Variants in SPAG16 observed in about 807,000 individuals in gnomAD.
The protein encoded by SPAG16 is sperm associated antigen 16.
Under a neutral mutation model 80.4 loss-of-function variants are expected in SPAG16, and 86 were observed. That is an observed-to-expected ratio of 1.07 (90% confidence interval 0.90 to 1.28). The LOEUF (loss-of-function observed/expected upper bound fraction) is 1.28. Among genes scored for constraint, SPAG16 ranks in the 50% most tolerant of loss-of-function variants. The probability of loss-of-function intolerance (pLI) is 0.00; values close to 1 mark genes in which losing one functional copy is unlikely to be tolerated. For synonymous variants in SPAG16, 294 were observed against 265.9 expected (o/e 1.11, Z -1.03); for missense variants, 870 against 765.3 (o/e 1.14, Z -1.61).
At chr2:213,687,404 CA>C (rs1385352967) in intron 10 of SPAG16, among the ~76,000 whole-genome samples, 1 of 152,126 alleles carries the variant, frequency 6.6e-6, no homozygotes, top group African/African-American at 2.4e-5. Context: ...ACATGATTAT[CA>C]TTTTACTAAA....
chr2:214,246,133 A>G (rs1689830643), intron 15 of SPAG16, among the ~76,000 whole-genome samples: 1 of 152,136 alleles, frequency 6.6e-6, no homozygotes, highest in Non-Finnish European at 1.5e-5. Flanking sequence ...AAACAAAAAA[A>G]AAATGAGAGG....
intron 11 of SPAG16, among the ~76,000 whole-genome samples, chr2:213,881,604 C>T (rs1479737503): frequency 6.6e-6 from 1 of 152,122 alleles, no homozygotes; most frequent in Non-Finnish European, 1.5e-5. Flanking sequence ...AACAAGGCAC[C>T]TTCTCCACAA....
intron 10 of SPAG16, among the ~76,000 whole-genome samples, chr2:213,558,546 C>T (rs1209745844): frequency 6.6e-6 from 1 of 151,520 alleles, no homozygotes; most frequent in Admixed American, 6.6e-5. Flanking sequence ...CTTTATGTAT[C>T]TGCTCAATTT....
chr2:213,967,742 G>A (rs1238004719), intron 12 of SPAG16, among the ~76,000 whole-genome samples: 2 of 152,058 alleles, frequency 1.3e-5, no homozygotes, highest in Non-Finnish European at 2.9e-5. Flanking sequence ...TTTAATTTTA[G>A]GTTAAATATA....
chr2:213,601,938 T>C (rs75507656), intron 10 of SPAG16, among the ~76,000 whole-genome samples: 9,312 of 152,302 alleles, frequency 0.061, 931 homozygotes, highest in African/African-American at 0.21. Flanking sequence ...GAAACTGTTC[T>C]ACCTGAAGTC....
intron 10 of SPAG16, among the ~76,000 whole-genome samples, chr2:213,839,867 G>C (rs1316536542): frequency 6.6e-6 from 1 of 152,100 alleles, no homozygotes; most frequent in Non-Finnish European, 1.5e-5. Flanking sequence ...ATGACTTCCT[G>C]CTAACAGCTG....
chr2:213,356,944 T>C (rs2065691315), intron 7 of SPAG16, among the ~76,000 whole-genome samples: 1 of 152,218 alleles, frequency 6.6e-6, no homozygotes, highest in Non-Finnish European at 1.5e-5. Context: ...TTCTGGTATG[T>C]TGTGTCTTTG....
In SPAG16 at chr2:213,671,450, C is replaced by CA. The variant is rs147745707; in HGVS notation, c.1070+181361dup. On this transcript the variant is annotated intron_variant, in intron 10 of 15. Coordinates refer to ENST00000331683, the MANE Select transcript of SPAG16 (RefSeq NM_024532.5). Reference sequence around the variant, plus strand: ...TTTTGGGGAAGATGTCCATGAGTGGCATACATAGCAGAACTGTGAGCAAGA... The same window carrying CA: ...TTTTGGGGAAGATGTCCATGAGTGGCAATACATAGCAGAACTGTGAGCAAGA... Among the ~76,000 whole-genome samples, 1,186 of 152,184 alleles carry CA rather than the reference C, an allele frequency of 7.8e-3. 16 individuals are homozygous for CA. The highest frequency in any genetic ancestry group is 0.027 in the African/African-American group (1,138 of 41,520).
chr2:213,953,104 G>A (rs1353138119), intron 12 of SPAG16, among the ~76,000 whole-genome samples: 1 of 151,958 alleles, frequency 6.6e-6, no homozygotes, highest in Non-Finnish European at 1.5e-5. Flanking sequence ...TAGTTCAAAA[G>A]AAGGACACTA....
intron 11 of SPAG16, among the ~76,000 whole-genome samples, chr2:213,868,318 G>C (rs1369274379): frequency 6.8e-6 from 1 of 147,868 alleles, no homozygotes; most frequent in African/African-American, 2.5e-5. Flanking sequence ...AACATCAACA[G>C]AATTCCATTT....
chr2:214,080,182 T>C (rs968001178), intron 13 of SPAG16, among the ~76,000 whole-genome samples: 5 of 152,274 alleles, frequency 3.3e-5, no homozygotes, highest in Admixed American at 3.3e-4. Context: ...TGAGAATTCA[T>C]TGGCAGCAGA....
chr2:214,144,146 C>T (rs2055511442), intron 14 of SPAG16, among the ~76,000 whole-genome samples: 1 of 151,660 alleles, frequency 6.6e-6, no homozygotes, highest in Non-Finnish European at 1.5e-5. Flanking sequence ...GATCCTATCT[C>T]AAAAATAAGA....
At chr2:214,214,406 G>A (rs1294926797) in intron 15 of SPAG16, among the ~76,000 whole-genome samples, 2 of 152,016 alleles carry the variant, frequency 1.3e-5, no homozygotes, top group Non-Finnish European at 2.9e-5. Flanking sequence ...CTGACTTCAG[G>A]TGATCTGCCT....
intron 12 of SPAG16, among the ~76,000 whole-genome samples, chr2:213,993,352 G>T (rs190620147): frequency 7.2e-5 from 11 of 152,298 alleles, no homozygotes; most frequent in Admixed American, 3.9e-4. Context: ...GTACAGGATT[G>T]AATGTAATGG....
chr2:214,116,019 G>A (rs185087739), intron 14 of SPAG16, among the ~76,000 whole-genome samples: 2 of 152,146 alleles, frequency 1.3e-5, no homozygotes, highest in African/African-American at 4.8e-5. Flanking sequence ...AGACTTAGGA[G>A]GATTATTTTG....
intron 10 of SPAG16, among the ~76,000 whole-genome samples, chr2:213,498,614 T>C (rs2074597564): frequency 6.6e-6 from 1 of 152,132 alleles, no homozygotes; most frequent in South Asian, 2.1e-4. Flanking sequence ...GAGTACCTCA[T>C]GAAATAGGAC....
chr2:213,573,477 C>T (rs971758235), intron 10 of SPAG16, among the ~76,000 whole-genome samples: 3 of 152,160 alleles, frequency 2.0e-5, no homozygotes, highest in Admixed American at 2.0e-4. Context: ...TGATTGATCT[C>T]TGTTGTTTGC....
At chr2:213,626,641 A>ATTTTTTTTTTTTT (rs10582370) in intron 10 of SPAG16, among the ~76,000 whole-genome samples, 1 of 98,980 alleles carries the variant, frequency 1.0e-5, no homozygotes, top group East Asian at 3.1e-4. Context: ...ATCGGGCTCA[A>ATTTTTTTTTTTTT]TTTTTTTTTT....
intron 4 of SPAG16, 69 bp downstream of exon 4, chr2:213,310,246 T>C (rs2063126337): frequency 2.7e-6 from 3 of 1,102,244 alleles, no homozygotes; most frequent in Non-Finnish European, 3.9e-6. Context: ...TTTAAGTGTC[T>C]TAGGAGACTT....
Sources: allele counts gnomAD v4.1 joint callset (sites outside exome capture counted in the v4.1 genomes callset), GRCh38; gene constraint gnomAD v4.1.1; transcripts MANE v1.5; gene names NCBI Gene and HGNC (gene_info 2026-07-23, HGNC 2026-07-21).